The following CDH12 variants were observed in gnomAD, a reference collection of about 807,000 sequenced individuals.
CDH12 encodes cadherin 12, also known as cadherin-12.
CDH12 carries 41 observed loss-of-function variants against 74.1 expected under a neutral mutation model. That is an observed-to-expected ratio of 0.55 (90% CI 0.43 to 0.72). The LOEUF (loss-of-function observed/expected upper bound fraction) is 0.72, where lower values mean the gene tolerates loss of function less well. CDH12 is among the 30% of genes least tolerant of loss of function. CDH12 has a pLI of 0.00. For missense variants in CDH12, 945 were observed against 977.2 expected, an observed-to-expected ratio of 0.97 and a Z score of 0.44; for synonymous variants, 399 against 355.0, an observed-to-expected ratio of 1.12 and a Z score of -1.39.
chr5:21,986,141 A>G (rs181554969), intron 5 of CDH12, among the ~76,000 whole-genome samples: 3 of 152,238 alleles, frequency 2.0e-5, no homozygotes. Context: ...TATTGAAGAG[A>G]GCAGAAATCC....
chr5:21,998,802 C>T (rs1408319681), intron 5 of CDH12, among the ~76,000 whole-genome samples: 1 of 152,096 alleles, frequency 6.6e-6, no homozygotes, highest in East Asian at 1.9e-4. Context: ...CCCTTCATTG[C>T]ATGATAGACA....
rs147201539 is a variant in CDH12, at chr5:22,751,096, T to C, written c.-523+101962A>G. 5.3e-5 allele frequency among the ~76,000 whole-genome samples: 8 copies of C among 151,658 alleles called. No individual in the cohort carries two copies. In the East Asian group the frequency reaches 1.4e-3, roughly 26 times the overall value. On this transcript the variant is annotated intron_variant, in intron 1 of 14. Coordinates refer to ENST00000382254, the MANE Select transcript of CDH12 (RefSeq NM_004061.5). ...TTAAGTAGATTTGGAATCACCTGAA[T>C]AAAATGTATTGGAAAAGGAAAAGAA...
intron 10 of CDH12, among the ~76,000 whole-genome samples, chr5:21,787,860 G>A (rs949661819): frequency 9.9e-5 from 15 of 152,194 alleles, no homozygotes; most frequent in South Asian, 2.1e-4. Context: ...TCTCCGTACC[G>A]CATATTCTTT....
chr5:22,102,818 C>G (rs10473573), intron 4 of CDH12, among the ~76,000 whole-genome samples: 1 of 151,896 alleles, frequency 6.6e-6, no homozygotes, highest in East Asian at 1.9e-4. Context: ...AGTAGATTCA[C>G]GCTCTCTCTC....
intron 2 of CDH12, among the ~76,000 whole-genome samples, chr5:22,486,049 T>G (rs1255644985): frequency 6.6e-6 from 1 of 152,192 alleles, no homozygotes; most frequent in Non-Finnish European, 1.5e-5. Flanking sequence ...TCACCCACTG[T>G]CAGCTGCACA....
chr5:22,350,030 G>T (rs1279357039), intron 3 of CDH12, among the ~76,000 whole-genome samples: 1 of 152,146 alleles, frequency 6.6e-6, no homozygotes, highest in Non-Finnish European at 1.5e-5. Flanking sequence ...GACATAGAGC[G>T]TACCTGTAAA....
intron 1 of CDH12, among the ~76,000 whole-genome samples, chr5:22,796,558 C>T (rs1748225840): frequency 1.2e-5 from 1 of 81,870 alleles, no homozygotes; most frequent in Non-Finnish European, 2.0e-5. Context: ...CTCGCTCTGT[C>T]GCCCAGGCTG....
chr5:22,104,525 C>G (rs1744319752), intron 4 of CDH12, among the ~76,000 whole-genome samples: 1 of 152,078 alleles, frequency 6.6e-6, no homozygotes, highest in Admixed American at 6.6e-5. Flanking sequence ...TTGTTATTAG[C>G]AGGGATATCC....
chr5:22,266,125 G>T (rs13173907), intron 3 of CDH12, among the ~76,000 whole-genome samples: 63,723 of 150,332 alleles, frequency 0.42, 14,535 homozygotes, highest in Admixed American at 0.53. Context: ...GCTTAAGCTG[G>T]AATGCAATGG....
At chr5:22,802,013 A>G (rs1191061317) in intron 1 of CDH12, among the ~76,000 whole-genome samples, 1 of 151,600 alleles carries the variant, frequency 6.6e-6, no homozygotes, top group Non-Finnish European at 1.5e-5. Flanking sequence ...TGTCACTCTT[A>G]CTAAATTGCA....
At chr5:21,959,607 G>T (rs1223900466) in intron 6 of CDH12, among the ~76,000 whole-genome samples, 1 of 151,682 alleles carries the variant, frequency 6.6e-6, no homozygotes, top group African/African-American at 2.4e-5. Context: ...AACCAACAAA[G>T]TTCAAAAAAG....
At chr5:21,881,878 T>G (rs1340066562) in intron 6 of CDH12, among the ~76,000 whole-genome samples, 3 of 152,186 alleles carry the variant, frequency 2.0e-5, no homozygotes, top group Non-Finnish European at 2.9e-5. Context: ...TAATATCATT[T>G]AAAAATCTAG....
chr5:22,631,021 C>T (rs1738557337), intron 1 of CDH12, among the ~76,000 whole-genome samples: 1 of 151,964 alleles, frequency 6.6e-6, no homozygotes, highest in Non-Finnish European at 1.5e-5. Flanking sequence ...ATGCAGACAT[C>T]GAGCATATGA....
At chr5:22,283,227 T>TATATATATATATAG (rs1736977427) in intron 3 of CDH12, among the ~76,000 whole-genome samples, 3 of 41,818 alleles carry the variant, frequency 7.2e-5, no homozygotes, top group African/African-American at 3.5e-4. Context: ...GATATATATA[T>TATATATATATATAG]ATATATATAT....
intron 6 of CDH12, among the ~76,000 whole-genome samples, chr5:21,946,729 G>A (rs1755593806): frequency 6.6e-6 from 1 of 152,190 alleles, no homozygotes. Context: ...TTGCAGCTGA[G>A]CTGTCTTAAC....
intron 6 of CDH12, among the ~76,000 whole-genome samples, chr5:21,963,583 C>T (rs965513446): frequency 2.0e-5 from 3 of 151,884 alleles, no homozygotes; most frequent in African/African-American, 4.8e-5. Context: ...TATATGTTGC[C>T]CAGTCTTATC....
intron 4 of CDH12, among the ~76,000 whole-genome samples, chr5:22,117,387 A>C (rs1211386236): frequency 2.2e-5 from 3 of 139,068 alleles, no homozygotes; most frequent in Non-Finnish European, 4.6e-5. Flanking sequence ...TGTGCTCCAG[A>C]ATCCATGCAC....
chr5:22,044,017 G>A (rs1292106370), intron 5 of CDH12, among the ~76,000 whole-genome samples: 1 of 152,002 alleles, frequency 6.6e-6, no homozygotes, highest in Non-Finnish European at 1.5e-5. Context: ...ACTACCCAAG[G>A]TGATCCATAG....
intron 4 of CDH12, among the ~76,000 whole-genome samples, chr5:22,166,601 C>A (rs1748696067): frequency 6.6e-6 from 1 of 152,094 alleles, no homozygotes; most frequent in Admixed American, 6.6e-5. Context: ...TAATGCACTG[C>A]CAGTTTCTTA....
Sources: gnomAD v4.1 joint callset for allele counts (sites outside exome capture counted in the v4.1 genomes callset) on GRCh38, gnomAD v4.1.1 for gene constraint, MANE v1.5 for transcripts, NCBI Gene and HGNC (gene_info 2026-07-23, HGNC 2026-07-21) for gene names.